MED12L: variants seen among roughly 807,000 people sequenced by gnomAD.
MED12L encodes the protein mediator complex subunit 12L, also known as mediator of RNA polymerase II transcription subunit 12-like protein.
MED12L carries 60 observed loss-of-function variants against 281.3 expected under a neutral mutation model. The ratio of observed to expected loss-of-function variants is 0.21; its 90% CI spans 0.17 to 0.26. MED12L has a LOEUF of 0.26. Among genes scored for constraint, MED12L ranks in the 10% least tolerant of loss-of-function variants. The pLI is 1.00. For missense variants in MED12L, 2,146 were observed against 2,680.9 expected (o/e 0.80, Z 4.41); for synonymous variants, 974 against 987.2 (o/e 0.99, Z 0.25).
intron 17 of MED12L, among the ~76,000 whole-genome samples, chr3:151,353,996 C>T (rs1337389875): frequency 8.2e-6 from 1 of 121,366 alleles, no homozygotes; most frequent in Non-Finnish European, 1.6e-5. Flanking sequence ...AAAAAATTAG[C>T]CGGGCGTAGT....
At chr3:151,250,498 C>G (rs1044886309) in intron 16 of MED12L, among the ~76,000 whole-genome samples, 1 of 152,164 alleles carries the variant, frequency 6.6e-6, no homozygotes, top group Non-Finnish European at 1.5e-5. Context: ...AATACTCTAG[C>G]TATCTCATAG....
chr3:151,151,280 G>T (rs1366998580), intron 5 of MED12L, among the ~76,000 whole-genome samples: 1 of 151,590 alleles, frequency 6.6e-6, no homozygotes, highest in Admixed American at 6.6e-5. Flanking sequence ...CACGTGATCC[G>T]CATGCCTCTG....
chr3:151,101,249 T>C (rs1721355495), intron 2 of MED12L, among the ~76,000 whole-genome samples: 1 of 152,182 alleles, frequency 6.6e-6, no homozygotes, highest in Non-Finnish European at 1.5e-5. Flanking sequence ...TTCCGTAGAG[T>C]GTACAAAGTG....
chr3:151,369,407 A>G, intron 25 of MED12L, 29 bp from the exon 26 acceptor site: 1 of 1,425,904 alleles, frequency 7.0e-7, no homozygotes, highest in Non-Finnish European at 9.8e-7. Flanking sequence ...GATGGTAATG[A>G]GACTATTAAA....
intron 5 of MED12L, among the ~76,000 whole-genome samples, chr3:151,129,897 T>C (rs895351879): frequency 4.6e-5 from 7 of 152,152 alleles, no homozygotes; most frequent in Admixed American, 2.6e-4. Context: ...GCCTCTCAAG[T>C]TGTTGGGACT....
chr3:151,178,611 G>T (rs912815703), intron 11 of MED12L, among the ~76,000 whole-genome samples: 2 of 152,192 alleles, frequency 1.3e-5, no homozygotes, highest in Non-Finnish European at 2.9e-5. Context: ...TATGTTGTGG[G>T]AAGAGCTCCA....
Position 151,436,270 on chromosome 3 carries a change from A to ACAT in MED12L, c.*3470_*3472dup, listed in dbSNP as rs2108514567. 6.3e-6 allele frequency: 1 copy of ACAT among 157,806 alleles called. No homozygotes were observed. Among genetic ancestry groups the ACAT allele is most frequent in the East Asian group, 1.9e-4 (1 of 5,334 alleles). The allele number at this position is 157,806 out of a possible 1,614,324, so 9.8% of individuals were successfully genotyped here. A position where few individuals can be genotyped will look rare whatever the true frequency, so the allele number is the denominator to read the frequency against. On this transcript the variant is annotated 3_prime_UTR_variant, in exon 45 of 45. Transcript: ENST00000687756. ...ATTTATACATCAGGATGGTAAATTT[A>ACAT]CATCATAAAGATTGCAGATTTAATA...
chr3:151,309,797 A>G lies in MED12L; in HGVS notation c.2251-40262A>G, dbSNP rs978505876. ...ACCTGCGGGCACAGAGTCAGAGTTC[A>G]AAAACACCTTTGACTTACTATTAGG... On this transcript the variant is annotated intron_variant, in intron 16 of 44. Transcript: ENST00000687756. Among the ~76,000 whole-genome samples the G allele has an allele frequency of 3.3e-5, 5 of 152,214 alleles. No individual in the cohort carries two copies. In the East Asian group the frequency reaches 7.7e-4, roughly 23 times the overall value.
intron 16 of MED12L, among the ~76,000 whole-genome samples, chr3:151,302,029 A>G (rs1297275948): frequency 6.6e-6 from 1 of 152,232 alleles, no homozygotes; most frequent in East Asian, 1.9e-4. Flanking sequence ...AGATGAGTCA[A>G]CTGTGGTATA....
intron 16 of MED12L, 79 bp downstream of exon 16, chr3:151,193,745 A>G: frequency 2.4e-6 from 3 of 1,263,270 alleles, no homozygotes; most frequent in Non-Finnish European, 1.1e-6. Flanking sequence ...AGATTATTCA[A>G]CTGTATTCTT....
chr3:151,088,431 T>A (rs1296610726), intron 2 of MED12L, among the ~76,000 whole-genome samples: 1 of 152,186 alleles, frequency 6.6e-6, no homozygotes, highest in Non-Finnish European at 1.5e-5. Flanking sequence ...AAGTGTACAG[T>A]TAATAGCTTA....
intron 16 of MED12L, among the ~76,000 whole-genome samples, chr3:151,341,950 G>A (rs1162818010): frequency 1.3e-5 from 2 of 152,062 alleles, no homozygotes; most frequent in South Asian, 2.1e-4. Flanking sequence ...GTGTATATGT[G>A]CCACATTTTC....
At chr3:151,106,212 TTTTC>T (rs1254135994) in intron 2 of MED12L, among the ~76,000 whole-genome samples, 1 of 149,282 alleles carries the variant, frequency 6.7e-6, no homozygotes, top group East Asian at 2.0e-4. Context: ...TTCTGTTTTT[TTTTC>T]TTTCTTTCCT....
intron 11 of MED12L, among the ~76,000 whole-genome samples, chr3:151,168,819 C>T (rs1721033929): frequency 6.6e-6 from 1 of 152,108 alleles, no homozygotes; most frequent in African/African-American, 2.4e-5. Context: ...AATTTTCATG[C>T]CTCAGCCTCC....
intron 16 of MED12L, among the ~76,000 whole-genome samples, chr3:151,205,491 C>T (rs897230146): frequency 6.6e-6 from 1 of 152,218 alleles, no homozygotes; most frequent in African/African-American, 2.4e-5. Flanking sequence ...AGTAGAAATA[C>T]TTGCTTTGAA....
At chr3:151,355,741 A>G (rs1451543425) in intron 18 of MED12L, among the ~76,000 whole-genome samples, 155 bp from the exon 19 acceptor site, 1 of 152,228 alleles carries the variant, frequency 6.6e-6, no homozygotes, top group Non-Finnish European at 1.5e-5. Context: ...TTTTCTTTGT[A>G]CATAGTTTTA....
At chr3:151,337,898 G>T (rs551630624) in intron 16 of MED12L, 1 of 1,614,030 alleles carries the variant, frequency 6.2e-7, no homozygotes, top group African/African-American at 1.3e-5. Flanking sequence ...TTGCAGAATT[G>T]GGGCACTTCA....
intron 19 of MED12L, 34 bp from the exon 20 acceptor site, chr3:151,357,179 C>G: frequency 6.6e-7 from 1 of 1,525,568 alleles, no homozygotes. Context: ...GTTTTGGCAC[C>G]TACATGTTTA....
At chr3:151,350,285 T>C in intron 17 of MED12L, 79 bp downstream of exon 17, 1 of 1,399,402 alleles carries the variant, frequency 7.1e-7, no homozygotes, top group Non-Finnish European at 9.8e-7. Flanking sequence ...CAAAGTGTTC[T>C]ATGTCACTGT....
Sources: allele counts gnomAD v4.1 joint callset (sites outside exome capture counted in the v4.1 genomes callset), GRCh38; gene constraint gnomAD v4.1.1; transcripts MANE v1.5; gene names NCBI Gene and HGNC (gene_info 2026-07-23, HGNC 2026-07-21).